SCAI: variants seen among roughly 807,000 people sequenced by gnomAD.
The protein encoded by SCAI is protein SCAI.
A neutral mutation model predicts 92.2 loss-of-function variants in SCAI; 24 were observed. That is an observed-to-expected ratio of 0.26 (90% CI 0.19 to 0.37). SCAI has a LOEUF of 0.37. Among genes scored for constraint, SCAI ranks in the 10% least tolerant of loss-of-function variants. The pLI, the probability that SCAI is intolerant of heterozygous loss-of-function variation, is 1.00. For missense variants in SCAI, 450 were observed against 736.2 expected, an observed-to-expected ratio of 0.61 and a Z score of 4.50; for synonymous variants, 261 against 258.6, an observed-to-expected ratio of 1.01 and a Z score of -0.09.
chr9:125,106,870 T>A (rs1158343370), intron 2 of SCAI, among the ~76,000 whole-genome samples: 1 of 86,810 alleles, frequency 1.2e-5, no homozygotes, highest in Non-Finnish European at 2.2e-5. Flanking sequence ...CTGGTTAATT[T>A]TTTTTTTTTT....
chr9:124,998,060 C>T (rs970525176), intron 13 of SCAI, among the ~76,000 whole-genome samples: 3 of 152,084 alleles, frequency 2.0e-5, no homozygotes, highest in Non-Finnish European at 2.9e-5. Context: ...CTACCTCAGC[C>T]TCCTAAAATG....
At chr9:125,011,860 G>C (rs1328311043) in intron 9 of SCAI, among the ~76,000 whole-genome samples, 2 of 152,216 alleles carry the variant, frequency 1.3e-5, no homozygotes, top group Non-Finnish European at 1.5e-5. Context: ...AGCCAGAAGA[G>C]AGTGGGGGCC....
At chr9:125,026,650 A>C (rs1177134336) in intron 6 of SCAI, among the ~76,000 whole-genome samples, 162 bp downstream of exon 6, 1 of 152,218 alleles carries the variant, frequency 6.6e-6, no homozygotes, top group Non-Finnish European at 1.5e-5. Flanking sequence ...TAGGTAACAT[A>C]AACTTCTCTA....
At chr9:124,956,526 CATTAAAAGA>C (rs1486978021) in intron 17 of SCAI, among the ~76,000 whole-genome samples, 1 of 152,060 alleles carries the variant, frequency 6.6e-6, no homozygotes, top group Non-Finnish European at 1.5e-5. Context: ...GCTGATTTAA[CATTAAAAGA>C]TCAATTAATG....
At chr9:125,052,781 TAGAAC>T (rs1721636076) in intron 3 of SCAI, among the ~76,000 whole-genome samples, 1 of 151,668 alleles carries the variant, frequency 6.6e-6, no homozygotes, top group Non-Finnish European at 1.5e-5. Flanking sequence ...GTCAAAGAAT[TAGAAC>T]AGATACTTTC....
intron 14 of SCAI, among the ~76,000 whole-genome samples, chr9:124,981,700 A>T (rs912211678): frequency 6.6e-6 from 1 of 151,772 alleles, no homozygotes; most frequent in African/African-American, 2.4e-5. Context: ...CCCAGGCAGG[A>T]GTACAGTGGT....
Position 124,951,130 on chromosome 9 carries a change from C to T in SCAI, c.*1677G>A, listed in dbSNP as rs1203293375. The T allele has an allele frequency of 1.3e-5, 2 of 151,106 alleles. No homozygotes were observed. Among genetic ancestry groups the T allele is most frequent in the East Asian group, 1.9e-4 (1 of 5,150 alleles). 9.4% of individuals were successfully genotyped at this position (151,106 alleles called of 1,614,324 possible). The stretch of plus-strand genomic sequence containing the variant: ...CCCCAAAAACAGTAACTTTGGACTT[C>T]AGGTTTGAAAAATCAGCAAATCAAA... On this transcript the variant is annotated 3_prime_UTR_variant, in exon 18 of 18. Coordinates refer to ENST00000336505, the MANE Select transcript of SCAI (RefSeq NM_001144877.3).
At chr9:125,085,454 T>C (rs1588208723) in intron 2 of SCAI, among the ~76,000 whole-genome samples, 1 of 151,780 alleles carries the variant, frequency 6.6e-6, no homozygotes, top group South Asian at 2.1e-4. Context: ...ACCACTGCAC[T>C]CCAGCTCTGG....
chr9:125,047,342 C>A (rs967081844), intron 3 of SCAI, among the ~76,000 whole-genome samples: 5 of 152,194 alleles, frequency 3.3e-5, no homozygotes, highest in Non-Finnish European at 7.3e-5. Flanking sequence ...TCAGAACAAA[C>A]TGAACCTGCT....
chr9:125,020,154 T>A (rs1832840887), intron 7 of SCAI, among the ~76,000 whole-genome samples: 1 of 150,936 alleles, frequency 6.6e-6, no homozygotes, highest in African/African-American at 2.4e-5. Context: ...AAATTAAGTA[T>A]GCCATTGAAA....
intron 17 of SCAI, among the ~76,000 whole-genome samples, chr9:124,966,046 G>A (rs1463817522): frequency 6.6e-6 from 1 of 152,156 alleles, no homozygotes; most frequent in African/African-American, 2.4e-5. Flanking sequence ...TATTACAGTA[G>A]TACAGTAGGC....
At chr9:125,119,748 A>G (rs1025057218) in intron 2 of SCAI, among the ~76,000 whole-genome samples, 3 of 152,220 alleles carry the variant, frequency 2.0e-5, no homozygotes, top group African/African-American at 7.2e-5. Flanking sequence ...CTCTACATAT[A>G]AACACTACAT....
intron 3 of SCAI, among the ~76,000 whole-genome samples, chr9:125,055,037 T>A (rs1287650983): frequency 1.3e-5 from 2 of 152,206 alleles, no homozygotes; most frequent in African/African-American, 4.8e-5. Flanking sequence ...CATAATTTTT[T>A]TAAAAGATAA....
At chr9:125,044,535 T>C (rs1833396680) in intron 3 of SCAI, among the ~76,000 whole-genome samples, 2 of 151,860 alleles carry the variant, frequency 1.3e-5, no homozygotes, top group Admixed American at 6.6e-5. Context: ...CTACTAGGGG[T>C]CTCCTGAGAG....
chr9:125,116,514 A>T (rs1313183372), intron 2 of SCAI, among the ~76,000 whole-genome samples: 1 of 152,136 alleles, frequency 6.6e-6, no homozygotes, highest in African/African-American at 2.4e-5. Flanking sequence ...CTATAACATG[A>T]AACAGTCACT....
At chr9:125,038,415 T>C (rs773203126) in intron 3 of SCAI, among the ~76,000 whole-genome samples, 1 of 152,198 alleles carries the variant, frequency 6.6e-6, no homozygotes, top group African/African-American at 2.4e-5. Context: ...AAGCCTGTAA[T>C]ACCATGATAT....
At chr9:125,087,021 A>G (rs1834337167) in intron 2 of SCAI, among the ~76,000 whole-genome samples, 1 of 152,184 alleles carries the variant, frequency 6.6e-6, no homozygotes, top group South Asian at 2.1e-4. Flanking sequence ...GAAAAGGGGC[A>G]CTATTAGACT....
At chr9:124,977,386 A>C (rs1210151934) in intron 14 of SCAI, among the ~76,000 whole-genome samples, 1 of 139,530 alleles carries the variant, frequency 7.2e-6, no homozygotes, top group African/African-American at 2.5e-5. Flanking sequence ...AACATACTTT[A>C]CACCTCAGTG....
chr9:125,042,612 A>AGTGTGTGT (rs1221206087), intron 3 of SCAI, among the ~76,000 whole-genome samples: 1 of 71,036 alleles, frequency 1.4e-5, no homozygotes, highest in Admixed American at 1.7e-4. Flanking sequence ...CTTCCACCAG[A>AGTGTGTGT]GTATGTGTGT....
Sources: gnomAD v4.1 joint callset for allele counts (sites outside exome capture counted in the v4.1 genomes callset) on GRCh38, gnomAD v4.1.1 for gene constraint, MANE v1.5 for transcripts, NCBI Gene and HGNC (gene_info 2026-07-23, HGNC 2026-07-21) for gene names.